WDR48: variants seen among roughly 807,000 people sequenced by gnomAD.
WDR48 encodes the protein WD repeat domain 48, also known as WD repeat-containing protein 48.
In WDR48, 22 loss-of-function variants were observed where a neutral mutation model predicts 94.0. That is an observed-to-expected ratio of 0.23 (90% CI 0.17 to 0.33). The LOEUF (loss-of-function observed/expected upper bound fraction) is 0.33. Ranked by LOEUF, WDR48 falls within the 10% of genes least tolerant of loss-of-function variation. The pLI, the probability that WDR48 is intolerant of heterozygous loss-of-function variation, is 1.00. For synonymous variants in WDR48, 278 were observed against 280.5 expected (o/e 0.99, Z 0.09); for missense variants, 541 against 813.8 (o/e 0.66, Z 4.08).
intron 1 of WDR48, among the ~76,000 whole-genome samples, chr3:39,054,998 A>G (rs994889866): frequency 3.9e-5 from 6 of 152,226 alleles, no homozygotes; most frequent in East Asian, 1.9e-4. Context: ...ACAACTTTGT[A>G]TTTTTGAACT....
At chr3:39,073,026 C>T (rs541057210) in intron 7 of WDR48, among the ~76,000 whole-genome samples, 4 of 152,154 alleles carry the variant, frequency 2.6e-5, no homozygotes, top group Non-Finnish European at 4.4e-5. Context: ...TTACAAGTTG[C>T]CCCAGGCCAC....
At chr3:39,062,974 T>TTGGCCACTAGTAGACTA in intron 1 of WDR48, 76 bp from the exon 2 acceptor site, 2 of 1,524,568 alleles carry the variant, frequency 1.3e-6, no homozygotes, top group Non-Finnish European at 1.8e-6. Context: ...CTGTTTCAGA[T>TTGGCCACTAGTAGACTA]TGGCCACTAG....
Position 39,071,974 on chromosome 3 carries a change from TG to T in WDR48, c.672+2232del, listed in dbSNP as rs771389976. Among the ~76,000 whole-genome samples, 5 of 152,358 alleles carry T rather than the reference TG, an allele frequency of 3.3e-5. No homozygotes were observed. In the South Asian group the frequency reaches 6.2e-4, roughly 19 times the overall value. ...TACAGATTCTTGAATTCTTGTAATA[TG>T]GAAGAGGTGGTTATCAGTTACTGGG... On this transcript the variant is annotated intron_variant, in intron 7 of 18. Transcript: ENST00000302313.
intron 1 of WDR48, among the ~76,000 whole-genome samples, chr3:39,054,334 A>G (rs1455601664): frequency 6.6e-6 from 1 of 152,184 alleles, no homozygotes; most frequent in Non-Finnish European, 1.5e-5. Context: ...GAGCTGTCCT[A>G]TGCATCACAG....
intron 5 of WDR48, among the ~76,000 whole-genome samples, chr3:39,067,540 T>C (rs1238920989): frequency 2.0e-5 from 3 of 152,198 alleles, no homozygotes; most frequent in African/African-American, 7.2e-5. Flanking sequence ...TTGAGCTTCA[T>C]GCTTGGCCCA....
At chr3:39,084,810 T>TA in intron 13 of WDR48, 69 bp downstream of exon 13, 1 of 1,354,960 alleles carries the variant, frequency 7.4e-7, no homozygotes, top group Non-Finnish European at 1.0e-6. Flanking sequence ...TGTTTTTTGC[T>TA]AAGTACTTAT....
At chr3:39,093,754 T>C in intron 17 of WDR48, 120 bp from the exon 18 acceptor site, 1 of 1,187,068 alleles carries the variant, frequency 8.4e-7, no homozygotes, top group Non-Finnish European at 1.1e-6. Context: ...AGGTAATGAC[T>C]AAAAACATTT....
intron 1 of WDR48, among the ~76,000 whole-genome samples, chr3:39,058,742 C>G (rs1341977717): frequency 2.0e-5 from 3 of 152,252 alleles, no homozygotes; most frequent in African/African-American, 7.2e-5. Flanking sequence ...AAGTCCCTTG[C>G]CTTCTTGGAG....
rs2035263466 is a variant in WDR48 at position 39,094,837 on chromosome 3, A to G, written c.*94A>G. 1.3e-6 allele frequency: 2 copies of G among 1,487,276 alleles called. No individual in the cohort carries two copies. Among genetic ancestry groups the G allele is most frequent in the African/African-American group, 2.8e-5 (2 of 71,234 alleles). 92.1% of individuals were successfully genotyped at this position (1,487,276 alleles called of 1,614,324 possible). On this transcript the variant is annotated 3_prime_UTR_variant, in exon 19 of 19. Coordinates refer to ENST00000302313, the MANE Select transcript of WDR48 (RefSeq NM_020839.4). ...AGCCCACTGATCCCCAACGGGAGCA[A>G]GACTTCTAACGGCTGATTGGTATGG...
In WDR48 at chr3:39,063,065, C is replaced by T. The variant is rs1004641645; in HGVS notation, c.64C>T (p.Arg22Ter). The T allele has an allele frequency of 1.9e-6, 3 of 1,613,924 alleles. No homozygotes were observed. The highest frequency in any genetic ancestry group is 1.7e-6 in the Non-Finnish European group (2 of 1,179,932). Residue 22 changes from arginine (R) to a stop codon, truncating the protein, a stop_gained, in exon 2 of 19, where the codon CGA becomes TGA. Transcript: ENST00000302313. LOFTEE classifies it high-confidence loss of function. ...RRKVQVSYVI[R>*]DEVEKYNRNG... ...CATTTGTCAGGTTTCCTATGTTATT[C>T]GAGATGAAGTGGAGAAGTACAACCG...
intron 2 of WDR48, among the ~76,000 whole-genome samples, chr3:39,063,733 A>G (rs903130004): frequency 2.0e-5 from 3 of 152,028 alleles, no homozygotes; most frequent in African/African-American, 7.2e-5. Context: ...CCTTGAGTCC[A>G]GGAGTTCGAG....
intron 2 of WDR48, among the ~76,000 whole-genome samples, chr3:39,063,873 G>A (rs1404816146): frequency 6.6e-6 from 1 of 152,180 alleles, no homozygotes; most frequent in African/African-American, 2.4e-5. Context: ...ACTTGATTGA[G>A]TATGGGAGGT....
In WDR48 at chr3:39,078,263, C is replaced by T; in HGVS notation, c.1075+24C>T. 4 of 1,526,312 alleles carry T rather than the reference C, an allele frequency of 2.6e-6. 1 individual carries two copies. The highest frequency in any genetic ancestry group is 3.6e-6 in the Non-Finnish European group (4 of 1,110,878). The allele number at this position is 1,526,312 out of a possible 1,614,324, so 94.5% of individuals were successfully genotyped here. On this transcript the variant is annotated intron_variant, in intron 10 of 18. Coordinates refer to ENST00000302313, the MANE Select transcript of WDR48 (RefSeq NM_020839.4). ...AGGTAAGAAAATGGAAGGTACTGTA[C>T]CCCTTATTGAAGTTAGCGATAGTTA...
intron 2 of WDR48, among the ~76,000 whole-genome samples, chr3:39,065,247 G>C (rs1015897544): frequency 1.3e-5 from 2 of 152,184 alleles, no homozygotes; most frequent in Admixed American, 6.5e-5. Flanking sequence ...CAGCCGTTGG[G>C]TTTCCTTTCA....
chr3:39,059,350 T>C (rs1287796812), intron 1 of WDR48, among the ~76,000 whole-genome samples: 2 of 152,156 alleles, frequency 1.3e-5, no homozygotes, highest in Non-Finnish European at 2.9e-5. Context: ...GTGTTTACGG[T>C]AACAGAAAGG....
At chr3:39,062,622 C>G (rs1386426239) in intron 1 of WDR48, among the ~76,000 whole-genome samples, 1 of 152,182 alleles carries the variant, frequency 6.6e-6, no homozygotes, top group African/African-American at 2.4e-5. Flanking sequence ...CACAATGCAC[C>G]AGAACCTGGA....
chr3:39,074,877 A>G lies in WDR48; in HGVS notation c.824A>G (p.Lys275Arg), dbSNP rs760537101. 6.2e-7 allele frequency: 1 copy of G among 1,614,228 alleles called. No individual in the cohort carries two copies. The highest frequency in any genetic ancestry group is 1.1e-5 in the South Asian group (1 of 91,088). Residue 275 changes from lysine to arginine, a missense_variant, in exon 8 of 19, where the codon AAG (lysine) becomes AGG (arginine). Physicochemically the swap from Lys to Arg is conservative, Grantham distance 26. Transcript: ENST00000302313. ...THVYSGGRDR[K>R]IYCTDLRNPD... Reference sequence around the variant, plus strand: ...GTGTATTCTGGTGGAAGGGACAGGAAGATTTATTGTACAGACCTAAGAAAC... The same window carrying G: ...GTGTATTCTGGTGGAAGGGACAGGAGGATTTATTGTACAGACCTAAGAAAC...
chr3:39,087,100 A>C (rs2034845874), intron 14 of WDR48, among the ~76,000 whole-genome samples: 1 of 152,144 alleles, frequency 6.6e-6, no homozygotes, highest in Non-Finnish European at 1.5e-5. Context: ...AAGCATTCTG[A>C]GATAGAAGGG....
In WDR48 at chr3:39,063,070, T is replaced by C; in HGVS notation, c.69T>C (p.Asp23=). 6.2e-7 allele frequency: 1 copy of C among 1,614,064 alleles called. No homozygotes were observed. Among genetic ancestry groups the C allele is most frequent in the South Asian group, 1.1e-5 (1 of 91,070 alleles). ...GTCAGGTTTCCTATGTTATTCGAGA[T>C]GAAGTGGAGAAGTACAACCGAAATG... is the stretch of plus-strand genomic sequence containing the variant. ...RKVQVSYVIR[D]EVEKYNRNGV... is the part of the protein sequence containing the mutation. The change falls in exon 2 of 19, where the codon GAT becomes GAC. Residue 23 remains aspartate (D), a synonymous_variant. Transcript: ENST00000302313.
Sources: gnomAD v4.1 joint callset for allele counts (sites outside exome capture counted in the v4.1 genomes callset) on GRCh38, gnomAD v4.1.1 for gene constraint, MANE v1.5 for transcripts, NCBI Gene and HGNC (gene_info 2026-07-23, HGNC 2026-07-21) for gene names.